The following SPTLC3 variants were observed in gnomAD, a reference collection of about 807,000 sequenced individuals.
SPTLC3 encodes the protein serine palmitoyltransferase long chain base subunit 3.
SPTLC3 carries 36 observed loss-of-function variants against 59.3 expected under a neutral mutation model. The ratio of observed to expected loss-of-function variants is 0.61; its 90% confidence interval spans 0.47 to 0.80. SPTLC3 has a LOEUF of 0.80. SPTLC3 is among the 30% of genes least tolerant of loss of function. The pLI, the probability that SPTLC3 is intolerant of heterozygous loss-of-function variation, is 0.00. For synonymous variants in SPTLC3, 257 were observed against 240.8 expected (o/e 1.07, Z -0.62); for missense variants, 625 against 685.1 (o/e 0.91, Z 0.98).
At chr20:13,162,507 A>G (rs1169888410) in intron 11 of SPTLC3, among the ~76,000 whole-genome samples, 2 of 152,198 alleles carry the variant, frequency 1.3e-5, no homozygotes, top group African/African-American at 2.4e-5. Flanking sequence ...GAGAAAATGG[A>G]AAATGACCCT....
intron 7 of SPTLC3, among the ~76,000 whole-genome samples, chr20:13,112,503 G>C (rs1990289951): frequency 6.6e-6 from 1 of 152,184 alleles, no homozygotes; most frequent in East Asian, 1.9e-4. Context: ...AGGTGAAATA[G>C]ACCCTACCCC....
intron 6 of SPTLC3, among the ~76,000 whole-genome samples, chr20:13,103,763 C>G (rs1209120710): frequency 2.0e-5 from 3 of 152,138 alleles, no homozygotes; most frequent in African/African-American, 7.2e-5. Context: ...TAGATCTAGG[C>G]CTTTGGAAAA....
At chr20:13,124,854 G>A (rs191480509) in intron 8 of SPTLC3, among the ~76,000 whole-genome samples, 198 of 152,324 alleles carry the variant, frequency 1.3e-3, no homozygotes, top group African/African-American at 4.4e-3. Flanking sequence ...TAATGAAGGA[G>A]GGTGAGGAGG....
chr20:13,133,226 C>T (rs755688648), intron 9 of SPTLC3, among the ~76,000 whole-genome samples: 2 of 152,174 alleles, frequency 1.3e-5, no homozygotes, highest in Non-Finnish European at 2.9e-5. Flanking sequence ...GCACAAGTAC[C>T]CTCACCTGTT....
At chr20:13,010,684 C>A (rs1308529158) in intron 1 of SPTLC3, among the ~76,000 whole-genome samples, 1 of 152,136 alleles carries the variant, frequency 6.6e-6, no homozygotes, top group Admixed American at 6.5e-5. Flanking sequence ...CACTAAATAT[C>A]AATTCAGGCC....
At chr20:13,111,868 G>C (rs1990251069) in intron 7 of SPTLC3, among the ~76,000 whole-genome samples, 1 of 152,138 alleles carries the variant, frequency 6.6e-6, no homozygotes, top group African/African-American at 2.4e-5. Context: ...TAGACAACTG[G>C]CATTTTACTG....
chr20:13,048,241 C>CA (rs1406336776), intron 1 of SPTLC3, among the ~76,000 whole-genome samples: 1 of 152,088 alleles, frequency 6.6e-6, no homozygotes, highest in Non-Finnish European at 1.5e-5. Flanking sequence ...CACAGTTGCT[C>CA]AAAATTTGTC....
intron 8 of SPTLC3, among the ~76,000 whole-genome samples, chr20:13,122,428 C>A (rs2037888092): frequency 6.6e-6 from 1 of 152,160 alleles, no homozygotes; most frequent in African/African-American, 2.4e-5. Flanking sequence ...GGTCTGTGTT[C>A]TCCTGGACCC....
At chr20:13,122,276 T>A (rs1249096189) in intron 8 of SPTLC3, among the ~76,000 whole-genome samples, 2 of 152,158 alleles carry the variant, frequency 1.3e-5, no homozygotes, top group African/African-American at 4.8e-5. Context: ...GAGATAGACA[T>A]GAAACATTTG....
chr20:13,019,136 C>G (rs1192516877), intron 1 of SPTLC3, among the ~76,000 whole-genome samples: 7 of 152,094 alleles, frequency 4.6e-5, no homozygotes, highest in Non-Finnish European at 8.8e-5. Flanking sequence ...TTGTGTAGGA[C>G]AGTAGGAGAT....
intron 9 of SPTLC3, among the ~76,000 whole-genome samples, chr20:13,126,991 C>T (rs1173191602): frequency 2.6e-5 from 4 of 152,204 alleles, no homozygotes; most frequent in Admixed American, 6.5e-5. Context: ...TGTTTGTGTG[C>T]GTGTGTGTGC....
chr20:13,133,473 C>T (rs1261408833), intron 9 of SPTLC3, among the ~76,000 whole-genome samples: 1 of 152,206 alleles, frequency 6.6e-6, no homozygotes, highest in African/African-American at 2.4e-5. Context: ...GTGGCTCACA[C>T]CTGTAATCCC....
intron 1 of SPTLC3, among the ~76,000 whole-genome samples, chr20:13,041,542 G>GT (rs551268170): frequency 1.3e-3 from 199 of 151,934 alleles, no homozygotes; most frequent in African/African-American, 4.7e-3. Context: ...GTTTCCTTTA[G>GT]TTCTTTATAT....
intron 6 of SPTLC3, 47 bp downstream of exon 6, chr20:13,093,624 A>C: frequency 3.2e-6 from 5 of 1,545,088 alleles, no homozygotes; most frequent in Non-Finnish European, 4.5e-6. Flanking sequence ...TGCTCCTAGA[A>C]GAAAGTAAAG....
intron 1 of SPTLC3, among the ~76,000 whole-genome samples, chr20:13,012,324 A>C (rs1985296784): frequency 6.6e-6 from 1 of 152,206 alleles, no homozygotes; most frequent in Non-Finnish European, 1.5e-5. Context: ...TCTTGACCTG[A>C]ATGTTGTAAT....
chr20:13,133,326 C>A (rs1434253975), intron 9 of SPTLC3, among the ~76,000 whole-genome samples: 2 of 152,194 alleles, frequency 1.3e-5, no homozygotes, highest in Non-Finnish European at 2.9e-5. Flanking sequence ...GGTGCTGCTG[C>A]TAGTCCAGGG....
chr20:13,028,183 A>G (rs75264676), intron 1 of SPTLC3, among the ~76,000 whole-genome samples: 8,377 of 152,258 alleles, frequency 0.055, 273 homozygotes, highest in South Asian at 0.084. Flanking sequence ...AACTTCTTAC[A>G]TATTAGAATA....
intron 4 of SPTLC3, among the ~76,000 whole-genome samples, chr20:13,085,284 C>T (rs1448048342): frequency 6.6e-6 from 1 of 152,112 alleles, no homozygotes; most frequent in Non-Finnish European, 1.5e-5. Context: ...TGCTCCATAA[C>T]CTCCATTAGA....
In SPTLC3 at chr20:13,130,378, G is replaced by A. The variant is rs576075549; in HGVS notation, c.1279+3661G>A. Among the ~76,000 whole-genome samples, 785 of 152,292 alleles carry A rather than the reference G, an allele frequency of 5.2e-3. 12 individuals are homozygous for A. In the South Asian group the frequency reaches 0.055, roughly 11 times the overall value. ...CCACTCCACTACAACTGTGATTGGA[G>A]CCTTTCAAGGCTTTGTTTCAGGTTG... On this transcript the variant is annotated intron_variant, in intron 9 of 11. Transcript: ENST00000399002.
Sources: allele counts gnomAD v4.1 joint callset (sites outside exome capture counted in the v4.1 genomes callset), GRCh38; gene constraint gnomAD v4.1.1; transcripts MANE v1.5; gene names NCBI Gene and HGNC (gene_info 2026-07-23, HGNC 2026-07-21).